AGO2: variants seen among roughly 807,000 people sequenced by gnomAD.
AGO2 encodes protein argonaute-2.
AGO2 carries 5 observed loss-of-function variants against 102.3 expected under a neutral mutation model. That is an observed-to-expected ratio of 0.05 (90% CI 0.03 to 0.10). AGO2 has a LOEUF of 0.10. AGO2 is among the 10% of genes least tolerant of loss of function. The pLI is 1.00. For missense variants in AGO2, 541 were observed against 1,183.7 expected (o/e 0.46, Z 7.97); for synonymous variants, 449 against 473.1 (o/e 0.95, Z 0.66).
chr8:140,575,992 A>G (rs1588471900), intron 2 of AGO2, among the ~76,000 whole-genome samples: 1 of 151,970 alleles, frequency 6.6e-6, no homozygotes, highest in South Asian at 2.1e-4. Flanking sequence ...CCCATCTCTT[A>G]AAAAAAAGAG....
intron 5 of AGO2, among the ~76,000 whole-genome samples, chr8:140,560,131 C>T (rs918154338): frequency 1.3e-5 from 2 of 152,220 alleles, no homozygotes; most frequent in African/African-American, 2.4e-5. Flanking sequence ...TCCTCAGGCC[C>T]GCCTCAGCCC....
At chr8:140,641,198 G>A in the AGO2 span, among the ~76,000 whole-genome samples, 110 of 152,028 alleles carry the variant, frequency 7.2e-4, no homozygotes, top group African/African-American at 2.6e-3. Context: ...GGCTAAGGTA[G>A]GAGATCACCT....
chr8:140,551,602 T>G (rs2072996186), intron 10 of AGO2, among the ~76,000 whole-genome samples, 166 bp from the exon 11 acceptor site: 1 of 128,210 alleles, frequency 7.8e-6, no homozygotes, highest in Non-Finnish European at 1.7e-5. Context: ...TGCAGACAAC[T>G]GACAGGATCG....
chr8:140,601,182 C>T lies in AGO2; in HGVS notation c.23-15871G>A, dbSNP rs377337450. ...GGTTCCCACGGGTTCCGAGGCTGTC[C>T]GGCCACAAGGCACCCAATGCGCTCC... On this transcript the variant is annotated intron_variant, in intron 1 of 18. Transcript: ENST00000220592. Among the ~76,000 whole-genome samples, 33 of 152,310 alleles carry T rather than the reference C, an allele frequency of 2.2e-4. No homozygotes were observed. In the East Asian group the frequency reaches 6.0e-3, roughly 28 times the overall value.
At position 140,557,287 on chromosome 8, in the gene AGO2, C is replaced by T. The variant is rs997943412; in HGVS notation, c.879-51G>A. ...CCGAGGGCATCCCGGAGCCCCTTCC[C>T]CTGCGCTGCTTTTCATTTGCGTTTG... is the stretch of plus-strand genomic sequence containing the variant. On this transcript the variant is annotated intron_variant, in intron 7 of 18. Transcript: ENST00000220592. The surrounding 1 kb of genome is among the most constrained non-coding windows in gnomAD (Gnocchi z 5.9). 12 of 1,546,590 alleles carry T rather than the reference C, an allele frequency of 7.8e-6. No homozygotes were observed. In the Middle Eastern group the frequency reaches 6.1e-4, roughly 79 times the overall value.
At chr8:140,624,928 C>G (rs574517447) in intron 1 of AGO2, among the ~76,000 whole-genome samples, 1 of 152,204 alleles carries the variant, frequency 6.6e-6, no homozygotes, top group African/African-American at 2.4e-5. Flanking sequence ...GGCACACACC[C>G]CCATCCCGCT....
chr8:140,544,873 G>T (rs1253731227), intron 13 of AGO2, among the ~76,000 whole-genome samples: 1 of 152,206 alleles, frequency 6.6e-6, no homozygotes, highest in Non-Finnish European at 1.5e-5. Context: ...TCCCAGTGGG[G>T]ACTTCCCTGG....
Position 140,555,901 on chromosome 8 carries a change from C to T in AGO2, c.1264G>A (p.Gly422Ser), listed in dbSNP as rs1346297070. ...VLQPPSILYG[G>S]RNKAIATPVQ... is the part of the protein sequence containing the mutation. ...CCCCGCCGCCCCACACGTACCCTGC[C>T]CCCGTAGAGGATGGAGGGCGGCTGC... The change falls in exon 10 of 19, where the codon GGC becomes AGC. Residue 422 changes from glycine to serine, a missense_variant. This residue lies in a region of AGO2 where 309 missense variants were observed against 735.1 expected (regional missense o/e 0.42). Transcript: ENST00000220592. 6.2e-7 allele frequency: 1 copy of T among 1,613,722 alleles called. No individual in the cohort carries two copies. The highest frequency in any genetic ancestry group is 1.1e-5 in the South Asian group (1 of 91,074).
At chr8:140,635,896 A>C (rs1239441594), upstream of AGO2, among the ~76,000 whole-genome samples, 1 of 144,938 alleles carries the variant, frequency 6.9e-6, no homozygotes, top group Non-Finnish European at 1.5e-5. Flanking sequence ...GGGAGCGGGG[A>C]CGAGGGCCGA....
chr8:140,564,185 G>C (rs868128481), intron 3 of AGO2, among the ~76,000 whole-genome samples: 1 of 152,296 alleles, frequency 6.6e-6, no homozygotes, highest in Middle Eastern at 3.4e-3. Flanking sequence ...GCCGCAGCAC[G>C]ATTCCTTCCA....
intron 1 of AGO2, among the ~76,000 whole-genome samples, chr8:140,633,099 G>C (rs1007512438): frequency 1.3e-5 from 2 of 152,052 alleles, no homozygotes; most frequent in Admixed American, 6.6e-5. Flanking sequence ...TTTTAGTAGA[G>C]ACGGGGTTTC....
chr8:140,551,757 C>T (rs541022057), intron 10 of AGO2, among the ~76,000 whole-genome samples: 1 of 113,706 alleles, frequency 8.8e-6, no homozygotes, highest in East Asian at 2.9e-4. Flanking sequence ...GGTGGGTGGT[C>T]CGTTGATGAT....
chr8:140,632,803 T>C (rs761516166), intron 1 of AGO2, among the ~76,000 whole-genome samples: 1 of 152,192 alleles, frequency 6.6e-6, no homozygotes, highest in Non-Finnish European at 1.5e-5. Flanking sequence ...TTGTTTGTGA[T>C]TGGTATAATG....
chr8:140,616,484 T>C (rs550152535), intron 1 of AGO2, among the ~76,000 whole-genome samples: 6 of 141,912 alleles, frequency 4.2e-5, no homozygotes, highest in Non-Finnish European at 7.5e-5. Context: ...TTGATAATAA[T>C]TGCAATGAAT....
At chr8:140,565,449 A>AC (rs1230897975) in intron 3 of AGO2, among the ~76,000 whole-genome samples, 5 of 150,252 alleles carry the variant, frequency 3.3e-5, no homozygotes, top group Admixed American at 6.6e-5. Context: ...AAAAAAAAAA[A>AC]AAAACCCAAA....
intron 11 of AGO2, among the ~76,000 whole-genome samples, chr8:140,549,812 C>T (rs1241192979): frequency 6.6e-6 from 1 of 152,242 alleles, no homozygotes; most frequent in East Asian, 1.9e-4. Context: ...GAGAAAACAG[C>T]AGCCCGCAGC....
chr8:140,641,618 C>CTT, the AGO2 span, among the ~76,000 whole-genome samples: 1 of 152,216 alleles, frequency 6.6e-6, no homozygotes, highest in Admixed American at 6.5e-5. Context: ...GATTCTCACT[C>CTT]TGTCACCTGG....
At chr8:140,577,017 C>T (rs772555760) in intron 2 of AGO2, among the ~76,000 whole-genome samples, 1 of 152,028 alleles carries the variant, frequency 6.6e-6, no homozygotes, top group Non-Finnish European at 1.5e-5. Flanking sequence ...ACCACCCTGG[C>T]TAACACAATG....
chr8:140,575,163 A>G (rs2073444335), intron 2 of AGO2, among the ~76,000 whole-genome samples: 1 of 152,142 alleles, frequency 6.6e-6, no homozygotes, highest in East Asian at 1.9e-4. Context: ...GGCAGGGAAC[A>G]GCCCCGAAGG....
Sources: allele counts gnomAD v4.1 joint callset (sites outside exome capture counted in the v4.1 genomes callset), GRCh38; gene constraint gnomAD v4.1.1; regional missense constraint gnomAD v4.1.1; non-coding constraint Gnocchi (gnomAD v3.1); transcripts MANE v1.5; gene names NCBI Gene and HGNC (gene_info 2026-07-23, HGNC 2026-07-21).